BABAM2: variants seen among roughly 807,000 people sequenced by gnomAD.
The protein encoded by BABAM2 is BRISC and BRCA1-A complex member 2.
BABAM2 carries 31 observed loss-of-function variants against 54.7 expected under a neutral mutation model. The ratio of observed to expected loss-of-function variants is 0.57; its 90% CI spans 0.43 to 0.77. BABAM2 has a LOEUF of 0.77. Ranked by LOEUF, BABAM2 falls within the 30% of genes least tolerant of loss-of-function variation. BABAM2 has a pLI of 0.00. For missense variants in BABAM2, 364 were observed against 455.8 expected (o/e 0.80, Z 1.83); for synonymous variants, 167 against 162.9 (o/e 1.03, Z -0.19).
Position 28,208,670 on chromosome 2 carries a change from C to T in BABAM2, c.681-28532C>T, listed in dbSNP as rs565316078. ...TTTCTTTTCTTTCCTTTCTCTTGCA[C>T]ATCTGCATGAGTGCTCGCCCTTTTC... On this transcript the variant is annotated intron_variant, in intron 7 of 11. Transcript: ENST00000379624. 2.7e-5 allele frequency among the ~76,000 whole-genome samples: 4 copies of T among 147,740 alleles called. No individual in the cohort carries two copies. The East Asian group carries it at 6.4e-4, about 24-fold the overall frequency.
At chr2:28,254,431 C>T (rs1474630768) in intron 10 of BABAM2, among the ~76,000 whole-genome samples, 1 of 152,062 alleles carries the variant, frequency 6.6e-6, no homozygotes, top group Non-Finnish European at 1.5e-5. Context: ...GCCGCCACGC[C>T]CATGCCCAGC....
chr2:28,024,661 A>AT (rs1675521627), intron 4 of BABAM2, among the ~76,000 whole-genome samples: 1 of 151,982 alleles, frequency 6.6e-6, no homozygotes, highest in African/African-American at 2.4e-5. Flanking sequence ...GGTTATTCAG[A>AT]TTTGCGCATT....
At chr2:27,990,501 C>T (rs1672705106) in intron 4 of BABAM2, among the ~76,000 whole-genome samples, 1 of 152,156 alleles carries the variant, frequency 6.6e-6, no homozygotes, top group South Asian at 2.1e-4. Flanking sequence ...CAAATTTCAT[C>T]ACCCATGGAG....
chr2:28,325,936 A>G lies in BABAM2; in HGVS notation c.1089-12514A>G, dbSNP rs1690411773. Among the ~76,000 whole-genome samples the G allele has an allele frequency of 6.6e-6, 1 of 152,216 alleles. No homozygotes were observed. Among genetic ancestry groups the G allele is most frequent in the Non-Finnish European group, 1.5e-5 (1 of 68,028 alleles). ...GGGGAGGGGAAGGTTAGAGGCCTCA[A>G]GGAGTTGATCTCCTAAGTGTTCCTG... On this transcript the variant is annotated intron_variant, in intron 11 of 11. Transcript: ENST00000379624. This position sits in a 1 kb window ranked among gnomAD's most constrained non-coding sequence, Gnocchi z 4.3.
At chr2:28,099,621 T>C (rs559751646) in intron 6 of BABAM2, among the ~76,000 whole-genome samples, 1 of 152,350 alleles carries the variant, frequency 6.6e-6, no homozygotes, top group East Asian at 1.9e-4. Context: ...ATAGCCATAC[T>C]CATAAAAAAT....
At chr2:28,138,283 C>T (rs139751375) in intron 7 of BABAM2, among the ~76,000 whole-genome samples, 1 of 152,230 alleles carries the variant, frequency 6.6e-6, no homozygotes, top group East Asian at 1.9e-4. Context: ...GAATCTCAAA[C>T]AGGCCAAATA....
At chr2:28,327,408 CAGAG>C in intron 11 of BABAM2, 1 of 1,611,180 alleles carries the variant, frequency 6.2e-7, no homozygotes, top group Non-Finnish European at 8.5e-7. Context: ...TGGAGGGCCT[CAGAG>C]GGAGAGAGAA....
intron 6 of BABAM2, among the ~76,000 whole-genome samples, chr2:28,113,513 C>G (rs746770058): frequency 6.6e-6 from 1 of 152,060 alleles, no homozygotes; most frequent in Non-Finnish European, 1.5e-5. Context: ...GTCTGTATAT[C>G]TATTTTGGTA....
At chr2:28,148,663 A>G (rs1421195420) in intron 7 of BABAM2, among the ~76,000 whole-genome samples, 3 of 152,330 alleles carry the variant, frequency 2.0e-5, no homozygotes, top group East Asian at 1.9e-4. Flanking sequence ...GTACAAGTCC[A>G]TATACCAGGA....
At chr2:28,112,166 C>G (rs1447851656) in intron 6 of BABAM2, among the ~76,000 whole-genome samples, 1 of 25,712 alleles carries the variant, frequency 3.9e-5, no homozygotes, top group African/African-American at 1.9e-4. Context: ...TCCCTCCCTC[C>G]CTCCCTCCCT....
At chr2:27,928,971 T>C (rs1667908080) in intron 2 of BABAM2, among the ~76,000 whole-genome samples, 1 of 147,170 alleles carries the variant, frequency 6.8e-6, no homozygotes, top group African/African-American at 2.5e-5. Context: ...CCTGACACTT[T>C]GGGAGGCTAG....
chr2:28,092,749 CCTCTCT>C (rs70953901), intron 6 of BABAM2, among the ~76,000 whole-genome samples: 4 of 146,820 alleles, frequency 2.7e-5, no homozygotes, highest in Admixed American at 6.8e-5. Context: ...TTCGTCTCTG[CCTCTCT>C]CTCTCTCTCT....
Position 28,325,523 on chromosome 2 carries a change from C to T in BABAM2, c.1089-12927C>T, listed in dbSNP as rs187014521. Among the ~76,000 whole-genome samples, 40 of 152,342 alleles carry T rather than the reference C, an allele frequency of 2.6e-4. No homozygotes were observed. The highest frequency in any genetic ancestry group is 8.9e-4 in the African/African-American group (37 of 41,564). ...CTCTTGTTACCAAAGGCCATTGTCT[C>T]CAGAAGGCCACTGTACCCCAGCAGG... On this transcript the variant is annotated intron_variant, in intron 11 of 11. Coordinates refer to ENST00000379624, the MANE Select transcript of BABAM2 (RefSeq NM_199191.3). This position sits in a 1 kb window ranked among gnomAD's most constrained non-coding sequence, Gnocchi z 4.3.
At chr2:28,260,147 C>T (rs1208324045) in intron 10 of BABAM2, among the ~76,000 whole-genome samples, 5 of 152,054 alleles carry the variant, frequency 3.3e-5, no homozygotes, top group East Asian at 1.9e-4. Flanking sequence ...CCACCCGCCT[C>T]GGCCTCCCAA....
intron 10 of BABAM2, among the ~76,000 whole-genome samples, chr2:28,254,143 G>A (rs1683743477): frequency 6.6e-6 from 1 of 152,100 alleles, no homozygotes; most frequent in South Asian, 2.1e-4. Context: ...GTTCTAAGAC[G>A]GTTGGAGGAG....
At chr2:28,076,037 G>A (rs1293528932) in intron 6 of BABAM2, among the ~76,000 whole-genome samples, 1 of 152,164 alleles carries the variant, frequency 6.6e-6, no homozygotes, top group Non-Finnish European at 1.5e-5. Context: ...GCTAAGGTGG[G>A]CGGAGCACTT....
chr2:28,262,870 G>A (rs1017228815), intron 10 of BABAM2, among the ~76,000 whole-genome samples: 1 of 152,126 alleles, frequency 6.6e-6, no homozygotes, highest in African/African-American at 2.4e-5. Flanking sequence ...CCAGTCACAT[G>A]TCACACTGGA....
At chr2:28,254,377 T>A (rs1448739251) in intron 10 of BABAM2, among the ~76,000 whole-genome samples, 1 of 152,126 alleles carries the variant, frequency 6.6e-6, no homozygotes, top group African/African-American at 2.4e-5. Flanking sequence ...CCTCAGGTGA[T>A]CCTCCCGCCT....
chr2:28,192,024 A>G (rs1467722282), intron 7 of BABAM2, among the ~76,000 whole-genome samples: 1 of 151,788 alleles, frequency 6.6e-6, no homozygotes, highest in Non-Finnish European at 1.5e-5. Flanking sequence ...TAGGCAGGAG[A>G]TTGTTTTTTG....
Sources: gnomAD v4.1 joint callset for allele counts (sites outside exome capture counted in the v4.1 genomes callset) on GRCh38, gnomAD v4.1.1 for gene constraint, Gnocchi (gnomAD v3.1) non-coding constraint, MANE v1.5 for transcripts, NCBI Gene and HGNC (gene_info 2026-07-23, HGNC 2026-07-21) for gene names.